Variants in SEC22C observed in about 807,000 individuals in gnomAD.
The protein encoded by SEC22C is SEC22 homolog C, vesicle trafficking protein, also known as vesicle-trafficking protein SEC22c.
A neutral mutation model predicts 34.7 loss-of-function variants in SEC22C; 29 were observed. The ratio of observed to expected loss-of-function variants is 0.84; its 90% confidence interval spans 0.62 to 1.14. The LOEUF (loss-of-function observed/expected upper bound fraction) is 1.14. SEC22C is among the 50% of genes most tolerant of loss of function. The pLI, the probability that SEC22C is intolerant of heterozygous loss-of-function variation, is 0.00. For synonymous variants in SEC22C, 117 were observed against 132.8 expected (o/e 0.88, Z 0.82); for missense variants, 337 against 369.0 (o/e 0.91, Z 0.71).
At chr3:42,563,305 C>A (rs1379282371) in intron 3 of SEC22C, among the ~76,000 whole-genome samples, 1 of 152,232 alleles carries the variant, frequency 6.6e-6, no homozygotes, top group Non-Finnish European at 1.5e-5. Flanking sequence ...CCACCCTGCC[C>A]CCAGGCTCTG....
intron 2 of SEC22C, chr3:42,565,658 C>T (rs569243854): frequency 6.2e-5 from 18 of 290,708 alleles, no homozygotes; most frequent in African/African-American, 4.1e-4. Context: ...ACAGAGCCTG[C>T]AGTAACGCAT....
Position 42,550,201 on chromosome 3 carries a change from G to A in SEC22C, c.*3047C>T. ...AACACACTCTGATGCTCAAGGCCTT[G>A]CAGCATCTGATACCAGAAGGCACCT... On this transcript the variant is annotated 3_prime_UTR_variant, in exon 7 of 7. Coordinates refer to ENST00000264454, the MANE Select transcript of SEC22C (RefSeq NM_032970.4). The A allele has an allele frequency of 3.0e-6, 3 of 985,454 alleles. No homozygotes were observed. Among genetic ancestry groups the A allele is most frequent in the Non-Finnish European group, 3.6e-6 (3 of 829,932 alleles). 61.0% of individuals were successfully genotyped at this position (985,454 alleles called of 1,614,324 possible).
chr3:42,598,430 T>C (rs1251176362), intron 1 of SEC22C, among the ~76,000 whole-genome samples: 3 of 150,784 alleles, frequency 2.0e-5, no homozygotes, highest in Non-Finnish European at 4.4e-5. Flanking sequence ...CGGGTTCAAG[T>C]GATTCTCCTG....
chr3:42,584,671 A>C (rs901643688), upstream of SEC22C, among the ~76,000 whole-genome samples: 5 of 152,242 alleles, frequency 3.3e-5, no homozygotes, highest in Non-Finnish European at 7.3e-5. Context: ...AGTCTAAGAT[A>C]GCCTCCAGGG....
intron 1 of SEC22C, chr3:42,591,199 T>A: frequency 7.3e-6 from 4 of 547,218 alleles, no homozygotes; most frequent in Middle Eastern, 4.7e-4. Flanking sequence ...ACCCTTTCTC[T>A]CCTTTTTTTT....
At chr3:42,562,981 A>G (rs1577314997) in intron 3 of SEC22C, among the ~76,000 whole-genome samples, 1 of 152,240 alleles carries the variant, frequency 6.6e-6, no homozygotes, top group African/African-American at 2.4e-5. Context: ...AAGAATTTCT[A>G]AACACCAGTT....
chr3:42,571,681 T>C (rs1577335638), intron 1 of SEC22C, among the ~76,000 whole-genome samples: 1 of 152,250 alleles, frequency 6.6e-6, no homozygotes, highest in Non-Finnish European at 1.5e-5. Context: ...TATGAGCTAT[T>C]ATGAGACAGC....
At chr3:42,594,713 A>G (rs1211970250) in intron 1 of SEC22C, 2 of 436,900 alleles carry the variant, frequency 4.6e-6, no homozygotes, top group Non-Finnish European at 8.2e-6. Context: ...TTTTTTAAAT[A>G]ATTAAGCAAA....
rs183947033 is a variant in SEC22C at position 42,572,107 on chromosome 3, C to T, written c.-27-3034G>A. ...AGGGACCTTGGGGTCTGAGGAATGA[C>T]ACAGCTGTGAGTCTGCTGAGTTTGT... On this transcript the variant is annotated intron_variant, in intron 1 of 6. Transcript: ENST00000264454. Among the ~76,000 whole-genome samples, 81 of 151,926 alleles carry T rather than the reference C, an allele frequency of 5.3e-4. 1 individual carries two copies. Among genetic ancestry groups the T allele is most frequent in the African/African-American group, 1.9e-3 (78 of 41,396 alleles).
intron 1 of SEC22C, chr3:42,581,231 T>A (rs1347504945): frequency 6.6e-6 from 1 of 152,228 alleles, no homozygotes; most frequent in Non-Finnish European, 1.5e-5. Context: ...CTGAGCTGTA[T>A]TTTTTTCTGA....
chr3:42,584,736 C>T (rs984472923), upstream of SEC22C, among the ~76,000 whole-genome samples: 2 of 152,196 alleles, frequency 1.3e-5, no homozygotes, highest in Non-Finnish European at 2.9e-5. Flanking sequence ...CAATGAGTCT[C>T]TGATAATGAG....
At chr3:42,595,762 C>T (rs1194523728) in intron 1 of SEC22C, among the ~76,000 whole-genome samples, 2 of 152,208 alleles carry the variant, frequency 1.3e-5, no homozygotes, top group Non-Finnish European at 2.9e-5. Flanking sequence ...TCAAGGGTTG[C>T]AACCTAGGGC....
Position 42,552,949 on chromosome 3 carries a change from A to G in SEC22C, c.*299T>C. ...GTATCATTCAACTTAAAAGACCAAA[A>G]TATTTCCTTTCTCTCTTCCAATAAA... On this transcript the variant is annotated 3_prime_UTR_variant, in exon 7 of 7. Coordinates refer to ENST00000264454, the MANE Select transcript of SEC22C (RefSeq NM_032970.4). 15 of 1,155,884 alleles carry G rather than the reference A, an allele frequency of 1.3e-5. No homozygotes were observed. The highest frequency in any genetic ancestry group is 1.6e-5 in the Non-Finnish European group (15 of 935,796). 71.6% of individuals were successfully genotyped at this position (1,155,884 alleles called of 1,614,324 possible).
chr3:42,589,997 C>G (rs1000115352), intron 1 of SEC22C, among the ~76,000 whole-genome samples: 2 of 152,142 alleles, frequency 1.3e-5, no homozygotes, highest in Non-Finnish European at 2.9e-5. Flanking sequence ...CCAGGCTGCC[C>G]GTATTCAGAG....
At chr3:42,578,741 A>T (rs1298298143) in intron 1 of SEC22C, among the ~76,000 whole-genome samples, 1 of 152,140 alleles carries the variant, frequency 6.6e-6, no homozygotes, top group Non-Finnish European at 1.5e-5. Context: ...TTAACTTAAG[A>T]TCCTCATGTA....
At chr3:42,561,967 G>A (rs750171354) in intron 3 of SEC22C, among the ~76,000 whole-genome samples, 1 of 149,734 alleles carries the variant, frequency 6.7e-6, no homozygotes, top group Non-Finnish European at 1.5e-5. Flanking sequence ...GAAAAATGGA[G>A]ACAGTTATTC....
At chr3:42,565,120 G>A (rs1168419290) in intron 2 of SEC22C, among the ~76,000 whole-genome samples, 2 of 152,140 alleles carry the variant, frequency 1.3e-5, no homozygotes, top group Non-Finnish European at 2.9e-5. Flanking sequence ...ATTTTATGGT[G>A]ACTGAATGCC....
intron 1 of SEC22C, among the ~76,000 whole-genome samples, chr3:42,575,962 T>G (rs1451718356): frequency 6.6e-6 from 1 of 152,130 alleles, no homozygotes; most frequent in African/African-American, 2.4e-5. Flanking sequence ...GACCATATCC[T>G]GGACTATAAG....
At chr3:42,578,781 T>C (rs1343877725) in intron 1 of SEC22C, among the ~76,000 whole-genome samples, 1 of 152,224 alleles carries the variant, frequency 6.6e-6, no homozygotes, top group Non-Finnish European at 1.5e-5. Flanking sequence ...TAATACTTTT[T>C]TGTTTAAATA....
Sources: allele counts gnomAD v4.1 joint callset (sites outside exome capture counted in the v4.1 genomes callset), GRCh38; gene constraint gnomAD v4.1.1; transcripts MANE v1.5; gene names NCBI Gene and HGNC (gene_info 2026-07-23, HGNC 2026-07-21).